The following SMARCAL1 variants were observed in gnomAD, a reference collection of about 807,000 sequenced individuals.
SMARCAL1 encodes the protein ATP-driven annealing helicase.
In SMARCAL1, 58 loss-of-function variants were observed where a neutral mutation model predicts 94.5. The ratio of observed to expected loss-of-function variants is 0.61; its 90% CI spans 0.50 to 0.76. SMARCAL1 has a LOEUF of 0.76. SMARCAL1 is among the 30% of genes least tolerant of loss of function. SMARCAL1 has a pLI of 0.00. For missense variants in SMARCAL1, 1,051 were observed against 1,177.9 expected (o/e 0.89, Z 1.58); for synonymous variants, 422 against 455.1 (o/e 0.93, Z 0.93).
intron 12 of SMARCAL1, among the ~76,000 whole-genome samples, chr2:216,458,451 G>A (rs28826633): frequency 0.21 from 32,618 of 152,078 alleles, 3,786 homozygotes; most frequent in East Asian, 0.36. Flanking sequence ...CTGGCAAACC[G>A]AATCCAGCAA....
chr2:216,435,542 C>CT (rs747597103), intron 9 of SMARCAL1, 46 bp downstream of exon 9: 8 of 1,551,676 alleles, frequency 5.2e-6, no homozygotes, highest in Non-Finnish European at 7.1e-6. Flanking sequence ...TCTCTGGAAA[C>CT]TTTCTTTGTA....
Position 216,420,564 on chromosome 2 carries a change from A to C in SMARCAL1, c.1096+32A>C, listed in dbSNP as rs2066515. On this transcript the variant is annotated intron_variant, in intron 5 of 17. Coordinates refer to ENST00000357276, the MANE Select transcript of SMARCAL1 (RefSeq NM_014140.4). ...AATTGGTCTTTGTCTGATTCCCAGA[A>C]TGTGTAGTGGTCTGTGATCTCAACA... 2.8e-3 allele frequency: 4,270 copies of C among 1,526,544 alleles called. 111 individuals carry two copies. In the African/African-American group the frequency reaches 0.052, roughly 19 times the overall value. 94.6% of individuals were successfully genotyped at this position (1,526,544 alleles called of 1,614,324 possible). A position where few individuals can be genotyped will look rare whatever the true frequency, so the allele number is the denominator to read the frequency against.
At chr2:216,451,923 G>A (rs1694459426) in intron 12 of SMARCAL1, among the ~76,000 whole-genome samples, 1 of 152,166 alleles carries the variant, frequency 6.6e-6, no homozygotes. Context: ...ATATTTAGAT[G>A]TAGATCTCAG....
intron 11 of SMARCAL1, among the ~76,000 whole-genome samples, 183 bp downstream of exon 11, chr2:216,447,341 A>C (rs1277323141): frequency 6.6e-6 from 1 of 152,104 alleles, no homozygotes; most frequent in African/African-American, 2.4e-5. Flanking sequence ...GAAAATGGTC[A>C]TCTTACCCTT....
At chr2:216,432,266 T>G (rs1179813711) in intron 7 of SMARCAL1, among the ~76,000 whole-genome samples, 1 of 152,130 alleles carries the variant, frequency 6.6e-6, no homozygotes, top group African/African-American at 2.4e-5. Context: ...AGTGCTGGGA[T>G]TACAGGCATG....
chr2:216,422,664 C>T (rs758516180), intron 5 of SMARCAL1, among the ~76,000 whole-genome samples: 12 of 152,226 alleles, frequency 7.9e-5, no homozygotes, highest in South Asian at 2.1e-4. Flanking sequence ...TGTACCTGGA[C>T]GACCTCGCTT....
chr2:216,461,080 G>GTGTGTGTGTA, intron 12 of SMARCAL1, among the ~76,000 whole-genome samples: 1 of 151,658 alleles, frequency 6.6e-6, no homozygotes, highest in Non-Finnish European at 1.5e-5. Context: ...GTGTGTGTGT[G>GTGTGTGTGTA]TGTGTGTGTG....
intron 12 of SMARCAL1, among the ~76,000 whole-genome samples, chr2:216,452,861 A>G (rs1694480136): frequency 6.6e-6 from 1 of 152,206 alleles, no homozygotes; most frequent in South Asian, 2.1e-4. Context: ...GTCACCTGAG[A>G]GTTTGATTTC....
chr2:216,430,735 A>T (rs943987111), intron 7 of SMARCAL1, among the ~76,000 whole-genome samples: 1 of 152,220 alleles, frequency 6.6e-6, no homozygotes, highest in Non-Finnish European at 1.5e-5. Context: ...GAAATTATAG[A>T]TGGTAAAGCT....
At chr2:216,464,549 G>C (rs1694787004) in intron 12 of SMARCAL1, 48 bp from the exon 13 acceptor site, 3 of 1,354,870 alleles carry the variant, frequency 2.2e-6, no homozygotes, top group Non-Finnish European at 3.2e-6. Flanking sequence ...ACTCATCCCA[G>C]AGTTCTCAGA....
chr2:216,458,877 A>G (rs1694633481), intron 12 of SMARCAL1, among the ~76,000 whole-genome samples: 1 of 152,186 alleles, frequency 6.6e-6, no homozygotes, highest in African/African-American at 2.4e-5. Context: ...CAATTAGGAA[A>G]AGAGGAAGTC....
chr2:216,480,674 C>T (rs1695175517), intron 17 of SMARCAL1, among the ~76,000 whole-genome samples: 1 of 152,152 alleles, frequency 6.6e-6, no homozygotes, highest in Non-Finnish European at 1.5e-5. Context: ...TCTTACATGA[C>T]AGGCTGTCAT....
At chr2:216,472,252 G>A (rs1694984661) in intron 14 of SMARCAL1, among the ~76,000 whole-genome samples, 1 of 152,144 alleles carries the variant, frequency 6.6e-6, no homozygotes, top group Admixed American at 6.5e-5. Flanking sequence ...CTAGTCAGGA[G>A]GCTGAGACAC....
intron 6 of SMARCAL1, among the ~76,000 whole-genome samples, chr2:216,425,483 C>G (rs948748655): frequency 6.6e-6 from 1 of 152,176 alleles, no homozygotes; most frequent in Non-Finnish European, 1.5e-5. Context: ...GGTCTGGGCT[C>G]CCAGAAAGGT....
chr2:216,448,858 A>T (rs765868231), intron 11 of SMARCAL1, among the ~76,000 whole-genome samples: 8 of 152,120 alleles, frequency 5.3e-5, no homozygotes, highest in Non-Finnish European at 1.0e-4. Flanking sequence ...AAAGTAACAA[A>T]TTACTTGGTA....
chr2:216,428,188 G>A (rs1195290415), intron 6 of SMARCAL1, among the ~76,000 whole-genome samples: 1 of 152,122 alleles, frequency 6.6e-6, no homozygotes, highest in African/African-American at 2.4e-5. Context: ...CACTGCCAGA[G>A]GTCTCTAGGT....
chr2:216,413,152 A>AG (rs1220717500), intron 1 of SMARCAL1, among the ~76,000 whole-genome samples: 84 of 4,480 alleles, frequency 0.019, no homozygotes, highest in African/African-American at 0.068. Flanking sequence ...GTGGTGGGGG[A>AG]GGGGGGAGGG....
At chr2:216,463,193 C>T (rs752274824) in intron 12 of SMARCAL1, among the ~76,000 whole-genome samples, 12 of 152,202 alleles carry the variant, frequency 7.9e-5, no homozygotes, top group Admixed American at 1.3e-4. Flanking sequence ...ACAGATCTTA[C>T]AGAGGCCAGG....
intron 10 of SMARCAL1, chr2:216,446,692 G>A (rs1326414347): frequency 2.2e-5 from 11 of 499,910 alleles, no homozygotes; most frequent in Middle Eastern, 3.0e-4. Flanking sequence ...GTTACTTGGC[G>A]TCAGGCATAT....
Sources: gnomAD v4.1 joint callset for allele counts (sites outside exome capture counted in the v4.1 genomes callset) on GRCh38, gnomAD v4.1.1 for gene constraint, MANE v1.5 for transcripts, NCBI Gene and HGNC (gene_info 2026-07-23, HGNC 2026-07-21) for gene names.